NADK2: variants seen among roughly 807,000 people sequenced by gnomAD.
NADK2 encodes the protein NAD kinase 2, mitochondrial.
NADK2 carries 35 observed loss-of-function variants against 62.1 expected under a neutral mutation model. The observed-to-expected ratio is 0.56, with a 90% CI of 0.43 to 0.75. The LOEUF (loss-of-function observed/expected upper bound fraction) is 0.75. Among genes scored for constraint, NADK2 ranks in the 30% least tolerant of loss-of-function variants. NADK2 has a pLI of 0.00. For synonymous variants in NADK2, 205 were observed against 207.9 expected (o/e 0.99, Z 0.12); for missense variants, 439 against 561.3 (o/e 0.78, Z 2.20).
Position 36,241,379 on chromosome 5 carries a change from A to C in NADK2, c.300+120T>G, listed in dbSNP as rs1453569276. 47 of 1,348,086 alleles carry C rather than the reference A, an allele frequency of 3.5e-5. No individual in the cohort carries two copies. The highest frequency in any genetic ancestry group is 3.9e-5 in the Non-Finnish European group (41 of 1,051,904). The allele number at this position is 1,348,086 out of a possible 1,614,324, so 83.5% of individuals were successfully genotyped here. A position where few individuals can be genotyped will look rare whatever the true frequency, so the allele number is the denominator to read the frequency against. On this transcript the variant is annotated intron_variant, in intron 1 of 11. Coordinates refer to ENST00000381937, the MANE Select transcript of NADK2 (RefSeq NM_001085411.3). This position sits in a 1 kb window ranked among gnomAD's most constrained non-coding sequence, Gnocchi z 4.9. ...AGGACCTGGGGGCCGCGAGAGAGGC[A>C]GGACCGGCATCTGCGGTGCCCTGGG...
chr5:36,196,063 A>G (rs1746221872), intron 11 of NADK2, among the ~76,000 whole-genome samples: 1 of 152,156 alleles, frequency 6.6e-6, no homozygotes, highest in Non-Finnish European at 1.5e-5. Context: ...CTATTCATGG[A>G]CATTTGGGTT....
At position 36,227,503 on chromosome 5, in the gene NADK2, AT is replaced by A; in HGVS notation, c.362del (p.Asn121MetfsTer2). The A allele has an allele frequency of 3.2e-6, 5 of 1,549,928 alleles. No individual in the cohort carries two copies. Among genetic ancestry groups the A allele is most frequent in the Admixed American group, 2.0e-5 (1 of 50,312 alleles). ...GTAAACTATCTATAATATGTTCTAC[AT>A]TTTTGGTGTGAATATGATGTCGTTC... ...LLERHHIHTK[N>X]VEHIIDSLRN... is the part of the protein sequence containing the mutation. On this transcript the variant is annotated frameshift_variant, in exon 2 of 12. Transcript: ENST00000381937. LOFTEE classifies it high-confidence loss of function.
chr5:36,241,931 C>T, upstream of NADK2: 2 of 731,038 alleles, frequency 2.7e-6, no homozygotes, highest in East Asian at 6.4e-5. This position sits in a 1 kb window ranked among gnomAD's most constrained non-coding sequence, Gnocchi z 4.9. Flanking sequence ...AGTGCCAGGA[C>T]GTGCGTGGCC....
chr5:36,229,841 T>G (rs1399066364), intron 1 of NADK2, among the ~76,000 whole-genome samples: 1 of 150,210 alleles, frequency 6.7e-6, no homozygotes, highest in Non-Finnish European at 1.5e-5. Context: ...GTATCTAGCA[T>G]GTTCAATATC....
At chr5:36,233,533 G>A (rs1370923095) in intron 1 of NADK2, among the ~76,000 whole-genome samples, 2 of 152,130 alleles carry the variant, frequency 1.3e-5, no homozygotes, top group Non-Finnish European at 2.9e-5. Flanking sequence ...TTGTCTTAAA[G>A]TGCATTATAA....
intron 8 of NADK2, among the ~76,000 whole-genome samples, chr5:36,201,627 A>C (rs1398619902): frequency 6.6e-6 from 1 of 152,030 alleles, no homozygotes; most frequent in Non-Finnish European, 1.5e-5. Flanking sequence ...TAAGTTAAAA[A>C]ATAAAAGGTA....
chr5:36,217,706 T>C, intron 6 of NADK2, 42 bp downstream of exon 6: 3 of 1,611,924 alleles, frequency 1.9e-6, no homozygotes, highest in Non-Finnish European at 2.5e-6. Flanking sequence ...GAGCTATGAG[T>C]TAAATATTTC....
chr5:36,226,973 C>A (rs1747506938), intron 2 of NADK2, among the ~76,000 whole-genome samples: 2 of 152,208 alleles, frequency 1.3e-5, no homozygotes, highest in Middle Eastern at 6.8e-3. Context: ...TTAAATCCAA[C>A]AAATATTCAT....
chr5:36,198,764 T>C (rs1305539358), intron 10 of NADK2, among the ~76,000 whole-genome samples: 1 of 151,744 alleles, frequency 6.6e-6, no homozygotes, highest in Non-Finnish European at 1.5e-5. Context: ...TGGTGCTAAT[T>C]CATGAACCAT....
intron 7 of NADK2, 152 bp downstream of exon 7, chr5:36,211,692 A>G: frequency 1.5e-6 from 1 of 649,126 alleles, no homozygotes; most frequent in Non-Finnish European, 2.7e-6. Context: ...ATTAACATCT[A>G]TGAAGGTTTT....
At chr5:36,238,811 A>G (rs2112211628) in intron 1 of NADK2, among the ~76,000 whole-genome samples, 1 of 152,384 alleles carries the variant, frequency 6.6e-6, no homozygotes, top group South Asian at 2.1e-4. Context: ...AGATTTTAAA[A>G]TAAAGCAATG....
intron 1 of NADK2, 30 bp from the exon 2 acceptor site, chr5:36,227,595 A>C (rs1299414561): frequency 1.9e-5 from 23 of 1,230,420 alleles, no homozygotes; most frequent in Non-Finnish European, 2.6e-5. Flanking sequence ...ACGTTGTTTT[A>C]CTAATATATA....
chr5:36,204,415 A>C (rs1393805191), intron 8 of NADK2, among the ~76,000 whole-genome samples: 1 of 152,156 alleles, frequency 6.6e-6, no homozygotes, highest in African/African-American at 2.4e-5. Context: ...TTTTATGGTA[A>C]GAATACTGGG....
intron 8 of NADK2, among the ~76,000 whole-genome samples, chr5:36,204,506 G>A (rs187009807): frequency 6.6e-6 from 1 of 152,038 alleles, no homozygotes; most frequent in Non-Finnish European, 1.5e-5. Context: ...AGCATAGCAT[G>A]TTCAACAGGA....
At chr5:36,235,002 G>C (rs1429681142) in intron 1 of NADK2, among the ~76,000 whole-genome samples, 3 of 152,056 alleles carry the variant, frequency 2.0e-5, no homozygotes, top group Non-Finnish European at 1.5e-5. Context: ...GATTCTCCAG[G>C]ATCCAGCAGG....
chr5:36,241,865 T>A lies in NADK2; in HGVS notation c.-67A>T. The A allele has an allele frequency of 8.7e-7, 1 of 1,146,394 alleles. No individual in the cohort carries two copies. The highest frequency in any genetic ancestry group is 1.1e-6 in the Non-Finnish European group (1 of 930,480). The allele number at this position is 1,146,394 out of a possible 1,614,324, so 71.0% of individuals were successfully genotyped here. ...TGCCTCAGCTCCCTACCGCCGGGAG[T>A]GCGCGCCGTCCGCGCCGCCCGGGCC... On this transcript the variant is annotated 5_prime_UTR_variant, in exon 1 of 12. Coordinates refer to ENST00000381937, the MANE Select transcript of NADK2 (RefSeq NM_001085411.3). The surrounding 1 kb of genome is among the most constrained non-coding windows in gnomAD (Gnocchi z 4.9).
At chr5:36,231,403 C>G (rs1747705210) in intron 1 of NADK2, among the ~76,000 whole-genome samples, 1 of 152,196 alleles carries the variant, frequency 6.6e-6, no homozygotes, top group South Asian at 2.1e-4. Flanking sequence ...TATTCCCACT[C>G]AAATTTCTTC....
chr5:36,201,331 A>C (rs963557268), intron 8 of NADK2, among the ~76,000 whole-genome samples, 170 bp from the exon 9 acceptor site: 1 of 152,112 alleles, frequency 6.6e-6, no homozygotes, highest in African/African-American at 2.4e-5. Context: ...TGATGAGACA[A>C]GTATTTTCAT....
At position 36,209,219 on chromosome 5, in the gene NADK2, G is replaced by T. The variant is rs371797418; in HGVS notation, c.861-1954C>A. On this transcript the variant is annotated intron_variant, in intron 7 of 11. Transcript: ENST00000381937. ...ACATCAAAGAACACAAAAAGCAGCAGCATCAGTTATTTATGAGATAAACCA... is the reference window on the plus strand; with the variant it reads ...ACATCAAAGAACACAAAAAGCAGCATCATCAGTTATTTATGAGATAAACCA... Among the ~76,000 whole-genome samples, 37 of 152,188 alleles carry T rather than the reference G, an allele frequency of 2.4e-4. No homozygotes were observed. In the East Asian group the frequency reaches 6.6e-3, roughly 27 times the overall value.
Sources: allele counts gnomAD v4.1 joint callset (sites outside exome capture counted in the v4.1 genomes callset), GRCh38; gene constraint gnomAD v4.1.1; non-coding constraint Gnocchi (gnomAD v3.1); transcripts MANE v1.5; gene names NCBI Gene and HGNC (gene_info 2026-07-23, HGNC 2026-07-21).